The following AP1M2 variants were observed in gnomAD, a reference collection of about 807,000 sequenced individuals.
AP1M2 encodes the protein AP-1 complex subunit mu-2.
AP1M2 carries 41 observed loss-of-function variants against 54.6 expected under a neutral mutation model. The observed-to-expected ratio is 0.75, with a 90% CI of 0.59 to 0.97. The LOEUF (loss-of-function observed/expected upper bound fraction) is 0.97, where lower values mean the gene tolerates loss of function less well. Among genes scored for constraint, AP1M2 ranks in the 50% least tolerant of loss-of-function variants. The pLI, the probability that AP1M2 is intolerant of heterozygous loss-of-function variation, is 0.00. For synonymous variants in AP1M2, 219 were observed against 215.9 expected, an observed-to-expected ratio of 1.01 and a Z score of -0.13; for missense variants, 507 against 561.2, an observed-to-expected ratio of 0.90 and a Z score of 0.98.
rs549899023 is a variant in AP1M2, at chr19:10,583,658, G to C, written c.215C>G (p.Ser72Trp). ...HSNLYLVATT[S>W]KNANASLVYS... ...CACCAGGGAGGCATTGGCATTCTTC[G>C]ATGTGGTGGCCACCACTGGGGCAGC... The change falls in exon 3 of 12, where the codon TCG (serine) becomes TGG (tryptophan). Residue 72 changes from serine (S) to tryptophan (W), a missense_variant. Physicochemically the swap from Ser to Trp is radical, Grantham distance 177 (BLOSUM62 -3). Coordinates refer to ENST00000250244, the MANE Select transcript of AP1M2 (RefSeq NM_005498.5). 1.2e-6 allele frequency: 2 copies of C among 1,613,178 alleles called. No individual in the cohort carries two copies. The highest frequency in any genetic ancestry group is 1.7e-5 in the Admixed American group (1 of 59,882).
intron 3 of AP1M2, 150 bp from the exon 4 acceptor site, chr19:10,582,028 C>A (rs1260953228): frequency 8.2e-6 from 7 of 849,956 alleles, no homozygotes; most frequent in African/African-American, 6.9e-5. Context: ...ATATAGTGAA[C>A]CCCTATCTCG....
At chr19:10,581,114 A>G (rs1191343474) in intron 6 of AP1M2, among the ~76,000 whole-genome samples, 152 bp downstream of exon 6, 1 of 152,230 alleles carries the variant, frequency 6.6e-6, no homozygotes, top group Non-Finnish European at 1.5e-5. Context: ...CAGCCTTTGC[A>G]GTCAGCCAAT....
Position 10,583,902 on chromosome 19 carries a change from T to G in AP1M2, c.199+12A>C, listed in dbSNP as rs202176674. On this transcript the variant is annotated intron_variant, in intron 2 of 11. Coordinates refer to ENST00000250244, the MANE Select transcript of AP1M2 (RefSeq NM_005498.5). ...CACACCCACCTCCAGGGACACCACG[T>G]GGGGTGGATACAGTAGAGGTTGCTG... 3.5e-5 allele frequency: 56 copies of G among 1,589,658 alleles called. No homozygotes were observed. The East Asian group carries it at 1.2e-3, about 33-fold the overall frequency.
At chr19:10,583,475 A>C in intron 3 of AP1M2, 131 bp downstream of exon 3, 1 of 284,234 alleles carries the variant, frequency 3.5e-6, no homozygotes, top group Non-Finnish European at 6.3e-6. Flanking sequence ...TCTCTACCAG[A>C]AAAAAAAAAA....
At chr19:10,578,487 A>G (rs76746084) in intron 8 of AP1M2, among the ~76,000 whole-genome samples, 1 of 139,538 alleles carries the variant, frequency 7.2e-6, no homozygotes. Context: ...TTCTCAAAAA[A>G]CAAACGAACA....
rs554232062 is a variant in AP1M2, at chr19:10,586,749, CAA to C, written c.42+439_42+440del. ...ACCCTGTCTCCAAAATAAAAAAAGA[CAA>C]GAGGAATAAAAGGACTTCAGGAAGA... On this transcript the variant is annotated intron_variant, in intron 1 of 11. Coordinates refer to ENST00000250244, the MANE Select transcript of AP1M2 (RefSeq NM_005498.5). 3.5e-3 allele frequency among the ~76,000 whole-genome samples: 533 copies of C among 152,140 alleles called. 3 individuals carry two copies. Among genetic ancestry groups the C allele is most frequent in the African/African-American group, 0.012 (513 of 41,506 alleles).
intron 9 of AP1M2, 24 bp downstream of exon 9, chr19:10,577,174 C>T (rs1917262173): frequency 1.3e-6 from 2 of 1,566,306 alleles, no homozygotes. Context: ...ACCCCCAGAT[C>T]CCCCGCCAGT....
intron 1 of AP1M2, among the ~76,000 whole-genome samples, chr19:10,586,825 C>G (rs1917668094): frequency 6.6e-6 from 1 of 152,122 alleles, no homozygotes; most frequent in African/African-American, 2.4e-5. Context: ...GTTCCAGTTG[C>G]CTTCCCCAGG....
At chr19:10,581,177 ACGGGCTGCGATTCTCTT>A in intron 6 of AP1M2, 72 bp downstream of exon 6, 31 of 1,503,794 alleles carry the variant, frequency 2.1e-5, no homozygotes, top group Middle Eastern at 2.5e-4. Context: ...TTATTTCAAA[ACGGGCTGCGATTCTCTT>A]AAGTCCCCAC....
At chr19:10,583,505 C>T in intron 3 of AP1M2, 101 bp downstream of exon 3, 2 of 908,630 alleles carry the variant, frequency 2.2e-6, no homozygotes, top group Non-Finnish European at 3.4e-6. Flanking sequence ...CCAGGGAGAT[C>T]TGGGAAGGCT....
At chr19:10,585,787 A>G (rs1917638564) in intron 1 of AP1M2, among the ~76,000 whole-genome samples, 1 of 152,060 alleles carries the variant, frequency 6.6e-6, no homozygotes, top group African/African-American at 2.4e-5. Context: ...AGCTCTCACT[A>G]TTAATATTAA....
At chr19:10,583,860 C>A in intron 2 of AP1M2, 54 bp downstream of exon 2, 2 of 1,549,152 alleles carry the variant, frequency 1.3e-6, no homozygotes, top group Non-Finnish European at 1.7e-6. Context: ...TGAGCTGCCA[C>A]CATCGCCGAC....
chr19:10,577,421 C>T, intron 8 of AP1M2, 65 bp from the exon 9 acceptor site: 5 of 575,728 alleles, frequency 8.7e-6, no homozygotes, highest in Non-Finnish European at 1.0e-5. Flanking sequence ...ATTTACCAAG[C>T]CCTTTTTTTT....
chr19:10,585,298 A>AGAAGGAAG (rs1207368794), intron 1 of AP1M2, among the ~76,000 whole-genome samples: 1 of 87,268 alleles, frequency 1.1e-5, no homozygotes, highest in Non-Finnish European at 2.4e-5. Flanking sequence ...AAAGAAAGAA[A>AGAAGGAAG]GAAAGAAAGA....
intron 1 of AP1M2, 138 bp downstream of exon 1, chr19:10,587,052 G>GC: frequency 1.0e-6 from 1 of 953,278 alleles, no homozygotes; most frequent in Non-Finnish European, 1.6e-6. Context: ...AGTGGATGCT[G>GC]GAGGTGGGAT....
At chr19:10,579,279 G>A (rs12460574) in intron 7 of AP1M2, among the ~76,000 whole-genome samples, 37,634 of 151,764 alleles carry the variant, frequency 0.25, 5,455 homozygotes, top group East Asian at 0.62. Context: ...AGCTGGACAC[G>A]GTGGCATGCG....
chr19:10,576,610 G>A (rs1225588087), intron 9 of AP1M2, among the ~76,000 whole-genome samples: 1 of 151,798 alleles, frequency 6.6e-6, no homozygotes, highest in Non-Finnish European at 1.5e-5. Flanking sequence ...TGTTGGCCAG[G>A]CTGGTCTTGA....
intron 3 of AP1M2, 154 bp downstream of exon 3, chr19:10,583,452 T>G: frequency 1.8e-6 from 1 of 559,710 alleles, no homozygotes; most frequent in Non-Finnish European, 3.2e-6. Flanking sequence ...CTGGGCAATA[T>G]AGCAAGACCC....
intron 8 of AP1M2, among the ~76,000 whole-genome samples, chr19:10,578,163 GGCAAAT>G (rs1157845446): frequency 1.3e-5 from 2 of 152,192 alleles, no homozygotes; most frequent in Non-Finnish European, 2.9e-5. Flanking sequence ...TGTATCTGCA[GGCAAAT>G]GCCTTAACTT....
Sources: allele counts gnomAD v4.1 joint callset (sites outside exome capture counted in the v4.1 genomes callset), GRCh38; gene constraint gnomAD v4.1.1; transcripts MANE v1.5; gene names NCBI Gene and HGNC (gene_info 2026-07-23, HGNC 2026-07-21).